RICTOR: variants seen among roughly 807,000 people sequenced by gnomAD.
The protein encoded by RICTOR is rapamycin-insensitive companion of mTOR.
RICTOR carries 49 observed loss-of-function variants against 214.9 expected under a neutral mutation model. The observed-to-expected ratio is 0.23, with a 90% CI of 0.18 to 0.29. The LOEUF (loss-of-function observed/expected upper bound fraction) is 0.29, where lower values mean the gene tolerates loss of function less well. RICTOR is among the 10% of genes least tolerant of loss of function. The probability of loss-of-function intolerance (pLI) is 1.00; values close to 1 mark genes in which losing one functional copy is unlikely to be tolerated. For missense variants in RICTOR, 1,625 were observed against 2,047.0 expected (o/e 0.79, Z 3.98); for synonymous variants, 717 against 711.3 (o/e 1.01, Z -0.13).
intron 3 of RICTOR, among the ~76,000 whole-genome samples, chr5:39,004,752 CCACCGCA>C (rs1753900027): frequency 2.0e-5 from 3 of 151,012 alleles, no homozygotes; most frequent in Admixed American, 2.0e-4. Flanking sequence ...CAGGCGTGAG[CCACCGCA>C]CTGGGCCTCT....
At chr5:38,990,568 GAT>G (rs1216971862) in intron 7 of RICTOR, among the ~76,000 whole-genome samples, 40 of 140,858 alleles carry the variant, frequency 2.8e-4, no homozygotes, top group African/African-American at 9.7e-4. Context: ...ATATATACAC[GAT>G]ATATATGATA....
intron 19 of RICTOR, among the ~76,000 whole-genome samples, chr5:38,961,160 C>G (rs763850292): frequency 1.3e-5 from 2 of 151,806 alleles, no homozygotes; most frequent in African/African-American, 4.8e-5. Context: ...AAAAAAAAAT[C>G]TCTGTGGAGT....
At chr5:38,991,837 T>C (rs1357397543) in intron 6 of RICTOR, among the ~76,000 whole-genome samples, 1 of 152,132 alleles carries the variant, frequency 6.6e-6, no homozygotes, top group Non-Finnish European at 1.5e-5. Context: ...TACTGTTTAA[T>C]AAATAAAGAC....
intron 3 of RICTOR, among the ~76,000 whole-genome samples, chr5:39,017,309 A>G (rs1755035445): frequency 6.6e-6 from 1 of 152,186 alleles, no homozygotes; most frequent in Admixed American, 6.5e-5. Flanking sequence ...ATTTGAATTG[A>G]GTGAAGACTG....
intron 2 of RICTOR, among the ~76,000 whole-genome samples, chr5:39,073,151 G>A (rs1759447269): frequency 6.6e-6 from 1 of 152,132 alleles, no homozygotes; most frequent in South Asian, 2.1e-4. Flanking sequence ...TACTTCCTAA[G>A]GTGTTTTATA....
Position 38,974,540 on chromosome 5 carries a change from T to G in RICTOR, c.889+997A>C, listed in dbSNP as rs556678480. ...TTTGGTAAGATACAAACAGCTCTAATGACAAGGAAGATGAGGAGTGGTAAA... is the reference window on the plus strand; with the variant it reads ...TTTGGTAAGATACAAACAGCTCTAAGGACAAGGAAGATGAGGAGTGGTAAA... On this transcript the variant is annotated intron_variant, in intron 10 of 37. Coordinates refer to ENST00000357387, the MANE Select transcript of RICTOR (RefSeq NM_152756.5). Among the ~76,000 whole-genome samples the G allele has an allele frequency of 1.6e-4, 25 of 151,932 alleles. No individual in the cohort carries two copies. In the Middle Eastern group the frequency reaches 0.01, roughly 62 times the overall value.
At chr5:39,020,895 C>A (rs1755370333) in intron 3 of RICTOR, 144 bp downstream of exon 3, 1 of 601,882 alleles carries the variant, frequency 1.7e-6, no homozygotes, top group South Asian at 2.2e-5. Context: ...ATACACTGGA[C>A]AAAATCCATG....
At chr5:38,998,314 TA>T (rs1391400372) in intron 5 of RICTOR, among the ~76,000 whole-genome samples, 2 of 152,204 alleles carry the variant, frequency 1.3e-5, no homozygotes, top group African/African-American at 4.8e-5. Context: ...GCCTCCTGAG[TA>T]GCTGGGATTA....
intron 31 of RICTOR, chr5:38,949,437 G>A (rs761349711): frequency 8.2e-6 from 13 of 1,580,054 alleles, no homozygotes; most frequent in Non-Finnish European, 1.1e-5. Context: ...CCTTGCAGAA[G>A]CGAGAAATAA....
At chr5:39,038,425 T>G (rs1756906568) in intron 2 of RICTOR, among the ~76,000 whole-genome samples, 1 of 152,278 alleles carries the variant, frequency 6.6e-6, no homozygotes, top group South Asian at 2.1e-4. Context: ...AGGGATGCCC[T>G]CTCTCACCAC....
chr5:39,062,577 G>T (rs900304554), intron 2 of RICTOR, among the ~76,000 whole-genome samples: 4 of 152,042 alleles, frequency 2.6e-5, no homozygotes, highest in African/African-American at 9.7e-5. Context: ...ACTATTTTAA[G>T]ATGTGATTTT....
chr5:39,048,190 C>A (rs1757622777), intron 2 of RICTOR, among the ~76,000 whole-genome samples: 1 of 152,132 alleles, frequency 6.6e-6, no homozygotes, highest in Non-Finnish European at 1.5e-5. Flanking sequence ...CCCTTCCAGG[C>A]CTACTGAACC....
At chr5:39,036,963 A>G (rs1276500617) in intron 2 of RICTOR, among the ~76,000 whole-genome samples, 2 of 152,176 alleles carry the variant, frequency 1.3e-5, no homozygotes, top group Non-Finnish European at 2.9e-5. Flanking sequence ...TGCACCAAGC[A>G]GTCCTAATAG....
chr5:38,985,010 T>G (rs185450404), intron 7 of RICTOR, among the ~76,000 whole-genome samples: 1 of 152,170 alleles, frequency 6.6e-6, no homozygotes, highest in African/African-American at 2.4e-5. Flanking sequence ...GGTTTCTCCA[T>G]GTTGGTTGGC....
At chr5:39,018,500 T>C (rs1437963969) in intron 3 of RICTOR, among the ~76,000 whole-genome samples, 1 of 152,160 alleles carries the variant, frequency 6.6e-6, no homozygotes, top group Non-Finnish European at 1.5e-5. Context: ...AAGCATGCGC[T>C]CACTTTGCAT....
chr5:39,049,898 T>C (rs1430495421), intron 2 of RICTOR, among the ~76,000 whole-genome samples: 1 of 151,768 alleles, frequency 6.6e-6, no homozygotes, highest in South Asian at 2.1e-4. Flanking sequence ...AGAAAGATAA[T>C]GAGAAACTCT....
intron 28 of RICTOR, 120 bp downstream of exon 28, chr5:38,953,341 G>A: frequency 1.8e-6 from 1 of 544,732 alleles, no homozygotes; most frequent in East Asian, 3.1e-5. Context: ...GAACAATCCA[G>A]TCTTAAATAT....
intron 21 of RICTOR, 129 bp from the exon 22 acceptor site, chr5:38,959,450 A>G: frequency 1.6e-6 from 1 of 634,018 alleles, no homozygotes. Flanking sequence ...CAAAGTGTAT[A>G]ACTTGATTTG....
At chr5:39,048,972 T>C (rs1010421758) in intron 2 of RICTOR, among the ~76,000 whole-genome samples, 7 of 152,016 alleles carry the variant, frequency 4.6e-5, no homozygotes, top group African/African-American at 1.4e-4. Context: ...CAGCTCTGGG[T>C]AACACTGTAA....
Sources: gnomAD v4.1 joint callset for allele counts (sites outside exome capture counted in the v4.1 genomes callset) on GRCh38, gnomAD v4.1.1 for gene constraint, MANE v1.5 for transcripts, NCBI Gene and HGNC (gene_info 2026-07-23, HGNC 2026-07-21) for gene names.